PDE6C: variants seen among roughly 807,000 people sequenced by gnomAD.
PDE6C encodes phosphodiesterase 6C, also known as cone cGMP-specific 3',5'-cyclic phosphodiesterase subunit alpha'.
A neutral mutation model predicts 113.1 loss-of-function variants in PDE6C; 75 were observed. The ratio of observed to expected loss-of-function variants is 0.66; its 90% confidence interval spans 0.55 to 0.80. PDE6C has a LOEUF of 0.80. PDE6C is among the 30% of genes least tolerant of loss of function. The probability of loss-of-function intolerance (pLI) is 0.00; values close to 1 mark genes in which losing one functional copy is unlikely to be tolerated. For missense variants in PDE6C, 912 were observed against 1,038.6 expected, an observed-to-expected ratio of 0.88 and a Z score of 1.67; for synonymous variants, 375 against 363.7, an observed-to-expected ratio of 1.03 and a Z score of -0.35.
intron 14 of PDE6C, among the ~76,000 whole-genome samples, chr10:93,645,016 A>G (rs894404321): frequency 1.3e-5 from 2 of 151,730 alleles, no homozygotes; most frequent in African/African-American, 4.8e-5. Context: ...TATTTTGTTA[A>G]GTGAAATAAG....
chr10:93,645,200 A>T (rs2058578654), intron 14 of PDE6C, among the ~76,000 whole-genome samples: 1 of 152,058 alleles, frequency 6.6e-6, no homozygotes, highest in Non-Finnish European at 1.5e-5. Context: ...TAAAATTATG[A>T]TCGATTGTAA....
intron 1 of PDE6C, among the ~76,000 whole-genome samples, chr10:93,619,228 A>G (rs2058434072): frequency 6.6e-6 from 1 of 152,164 alleles, no homozygotes; most frequent in Non-Finnish European, 1.5e-5. Context: ...GATTAGAATT[A>G]TCTCTCGAAT....
At position 93,614,894 on chromosome 10, in the gene PDE6C, C is replaced by T. The variant is rs1049712647; in HGVS notation, c.480+1689C>T. 5.3e-5 allele frequency among the ~76,000 whole-genome samples: 8 copies of T among 152,190 alleles called. No homozygotes were observed. In the South Asian group the frequency reaches 6.3e-4, roughly 12 times the overall value. On this transcript the variant is annotated intron_variant, in intron 1 of 21. Transcript: ENST00000371447. ...GAGAAATGTGTGTTGAAGACAGATACGGTTCTGTGCTCACGAGAAAGAGAC... is the reference window on the plus strand; with the variant it reads ...GAGAAATGTGTGTTGAAGACAGATATGGTTCTGTGCTCACGAGAAAGAGAC...
At chr10:93,642,884 C>T (rs186799751) in intron 14 of PDE6C, among the ~76,000 whole-genome samples, 17 of 152,298 alleles carry the variant, frequency 1.1e-4, no homozygotes, top group African/African-American at 3.4e-4. Flanking sequence ...TGATCTCCAT[C>T]CAGACTTGAG....
chr10:93,625,721 A>T (rs1356887577), intron 5 of PDE6C, 72 bp downstream of exon 5: 1 of 1,008,916 alleles, frequency 9.9e-7, no homozygotes, highest in Non-Finnish European at 1.6e-6. Context: ...GCCACAGTGC[A>T]TAGAGCACTG....
chr10:93,626,892 A>C, intron 7 of PDE6C, 21 bp downstream of exon 7: 1 of 1,585,728 alleles, frequency 6.3e-7, no homozygotes. Flanking sequence ...GAACAAATTC[A>C]AATTTTAAAT....
Position 93,621,916 on chromosome 10 carries a change from T to C in PDE6C, c.724-16T>C, listed in dbSNP as rs1276091982. ...TACTTTATTCTAACTGTTTTCTTTT[T>C]GATACCTACTTTCAGATCCTTATGT... On this transcript the variant is annotated splice_polypyrimidine_tract_variant and intron_variant, in intron 3 of 21. Coordinates refer to ENST00000371447, the MANE Select transcript of PDE6C (RefSeq NM_006204.4). 8 of 1,612,148 alleles carry C rather than the reference T, an allele frequency of 5.0e-6. No individual in the cohort carries two copies. The South Asian group carries it at 7.7e-5, about 15-fold the overall frequency.
chr10:93,621,383 C>A (rs1192055189), intron 3 of PDE6C, among the ~76,000 whole-genome samples: 1 of 152,202 alleles, frequency 6.6e-6, no homozygotes, highest in Non-Finnish European at 1.5e-5. Context: ...ATTCCTAACT[C>A]CATGAGACAG....
intron 1 of PDE6C, among the ~76,000 whole-genome samples, chr10:93,616,779 C>T (rs912460121): frequency 2.0e-5 from 3 of 151,886 alleles, no homozygotes; most frequent in Admixed American, 1.3e-4. Flanking sequence ...TCAGCCTCCC[C>T]AGTAGCTGGG....
At chr10:93,648,765 C>T (rs2058595904) in intron 15 of PDE6C, among the ~76,000 whole-genome samples, 1 of 152,160 alleles carries the variant, frequency 6.6e-6, no homozygotes, top group East Asian at 1.9e-4. Context: ...AATTTTAATA[C>T]TAGAATATAC....
intron 15 of PDE6C, among the ~76,000 whole-genome samples, chr10:93,654,802 CTTTCTTTCTTTT>C (rs1319471047): frequency 1.6e-4 from 13 of 82,674 alleles, no homozygotes; most frequent in East Asian, 8.9e-4. Flanking sequence ...TTCTTTCTTT[CTTTCTTTCTTTT>C]TTTTTTTTTT....
intron 11 of PDE6C, among the ~76,000 whole-genome samples, chr10:93,637,538 A>G (rs1455717190): frequency 6.6e-6 from 1 of 152,152 alleles, no homozygotes; most frequent in African/African-American, 2.4e-5. Context: ...TTTGAAATTA[A>G]CTTTCCCACT....
intron 16 of PDE6C, among the ~76,000 whole-genome samples, chr10:93,656,864 G>A (rs961645828): frequency 6.6e-6 from 1 of 151,930 alleles, no homozygotes; most frequent in African/African-American, 2.4e-5. Flanking sequence ...CCGTTGCACT[G>A]GGCCTGAATA....
rs549491454 is a variant in PDE6C, at chr10:93,638,642, A to G, written c.1483-1428A>G. ...TTTGAATGTAAAATCTACTCAGGGC[A>G]AATCCCAAATCATTGTTGCATAAAA... On this transcript the variant is annotated intron_variant, in intron 11 of 21. Coordinates refer to ENST00000371447, the MANE Select transcript of PDE6C (RefSeq NM_006204.4). Among the ~76,000 whole-genome samples, 6 of 152,362 alleles carry G rather than the reference A, an allele frequency of 3.9e-5. 1 individual carries two copies. Among genetic ancestry groups the G allele is most frequent in the Admixed American group, 2.0e-4 (3 of 15,300 alleles).
rs1012046826 is a variant in PDE6C, at chr10:93,622,254, C to T, written c.864+182C>T. ...GATGTAGGCTTGAATCTTGGTTTTT[C>T]CACTTCCTAGTAATATGGGTTTTCA... On this transcript the variant is annotated intron_variant, in intron 4 of 21. Coordinates refer to ENST00000371447, the MANE Select transcript of PDE6C (RefSeq NM_006204.4). Among the ~76,000 whole-genome samples, 3 of 151,066 alleles carry T rather than the reference C, an allele frequency of 2.0e-5. No homozygotes were observed. In the South Asian group the frequency reaches 6.3e-4, roughly 31 times the overall value.
intron 14 of PDE6C, among the ~76,000 whole-genome samples, chr10:93,642,367 A>T (rs1174766241): frequency 6.6e-6 from 1 of 152,170 alleles, no homozygotes; most frequent in Admixed American, 6.5e-5. Context: ...CAGTCTCGGA[A>T]AATAAATAAA....
chr10:93,613,972 G>C (rs184884539), intron 1 of PDE6C, among the ~76,000 whole-genome samples: 212 of 152,278 alleles, frequency 1.4e-3, no homozygotes, highest in African/African-American at 4.7e-3. Flanking sequence ...CTTACCATTA[G>C]AGTACATGTT....
chr10:93,633,272 C>T (rs974258437), intron 8 of PDE6C, among the ~76,000 whole-genome samples: 1 of 151,938 alleles, frequency 6.6e-6, no homozygotes, highest in African/African-American at 2.4e-5. Context: ...TCAAGATCAG[C>T]CTGGCCAACA....
chr10:93,640,295 G>T, intron 12 of PDE6C, 79 bp downstream of exon 12: 1 of 1,422,928 alleles, frequency 7.0e-7, no homozygotes, highest in South Asian at 1.1e-5. Flanking sequence ...TCAAAAGATG[G>T]ACTCAGTTTG....
Sources: allele counts gnomAD v4.1 joint callset (sites outside exome capture counted in the v4.1 genomes callset), GRCh38; gene constraint gnomAD v4.1.1; transcripts MANE v1.5; gene names NCBI Gene and HGNC (gene_info 2026-07-23, HGNC 2026-07-21).